The following LOC128462377 variants were observed in gnomAD, a reference collection of about 807,000 sequenced individuals.
chr16:89,353,067 C>T, the LOC128462377 span, among the ~76,000 whole-genome samples: 10 of 152,166 alleles, frequency 6.6e-5, no homozygotes, highest in East Asian at 1.9e-4. Flanking sequence ...GGGCTGGGCG[C>T]GGTGGCTCAC....
At chr16:89,353,771 C>T in the LOC128462377 span, among the ~76,000 whole-genome samples, 3 of 152,202 alleles carry the variant, frequency 2.0e-5, no homozygotes, top group African/African-American at 7.2e-5. Flanking sequence ...TGAGCCACTA[C>T]GCCCGAACTG....
the LOC128462377 span, among the ~76,000 whole-genome samples, chr16:89,349,238 C>T: frequency 6.8e-6 from 1 of 146,226 alleles, no homozygotes; most frequent in Non-Finnish European, 1.5e-5. Context: ...ACAGAAAAGA[C>T]CAAAAACAGG....
the LOC128462377 span, among the ~76,000 whole-genome samples, chr16:89,337,358 GC>G: frequency 6.8e-6 from 1 of 147,334 alleles, no homozygotes; most frequent in Non-Finnish European, 1.5e-5. Flanking sequence ...CATTGGATTT[GC>G]CATCAGACAC....
chr16:89,378,890 A>T, the LOC128462377 span, among the ~76,000 whole-genome samples: 1 of 145,896 alleles, frequency 6.9e-6, no homozygotes, highest in South Asian at 2.3e-4. Context: ...GGGCTTTCCA[A>T]GGCTGAAAAC....
At chr16:89,353,948 A>C in the LOC128462377 span, among the ~76,000 whole-genome samples, 83,507 of 152,042 alleles carry the variant, frequency 0.55, 23,372 homozygotes, top group African/African-American at 0.66. Context: ...GCGGGCAGAG[A>C]TGGAGACATA....
the LOC128462377 span, among the ~76,000 whole-genome samples, chr16:89,401,366 G>A: frequency 3.6e-4 from 55 of 152,230 alleles, 1 homozygote; most frequent in South Asian, 0.011. Flanking sequence ...ACGAGCCACT[G>A]CGTCTGGCAT....
chr16:89,357,799 C>T, the LOC128462377 span, among the ~76,000 whole-genome samples: 1 of 152,208 alleles, frequency 6.6e-6, no homozygotes, highest in South Asian at 2.1e-4. Flanking sequence ...CACTGCTCAT[C>T]GGCAAGCCAA....
the LOC128462377 span, among the ~76,000 whole-genome samples, chr16:89,367,341 G>A: frequency 2.0e-5 from 3 of 152,242 alleles, no homozygotes; most frequent in Non-Finnish European, 2.9e-5. Context: ...GCACAGTGGC[G>A]GCGCCCAGAG....
the LOC128462377 span, among the ~76,000 whole-genome samples, chr16:89,326,388 C>A: frequency 6.6e-6 from 1 of 151,400 alleles, no homozygotes; most frequent in African/African-American, 2.4e-5. Flanking sequence ...GCCCCCCCCA[C>A]CCCGCTGCAG....
At chr16:89,323,085 C>T in the LOC128462377 span, 1 of 314,162 alleles carries the variant, frequency 3.2e-6, no homozygotes, top group South Asian at 2.4e-5. Flanking sequence ...TACGGCAACC[C>T]CTGCCTTTTC....
the LOC128462377 span, among the ~76,000 whole-genome samples, chr16:89,353,350 AAGAG>A: frequency 5.2e-3 from 785 of 149,556 alleles, 2 homozygotes; most frequent in African/African-American, 0.015. Context: ...TCCAAAAAAA[AAGAG>A]AGAGAGAGAG....
At chr16:89,320,525 C>T in the LOC128462377 span, among the ~76,000 whole-genome samples, 4 of 152,126 alleles carry the variant, frequency 2.6e-5, no homozygotes, top group East Asian at 5.8e-4. Context: ...TGGCCCTGAC[C>T]GCCCCCAGGC....
chr16:89,399,626 G>A, the LOC128462377 span, among the ~76,000 whole-genome samples: 424 of 152,284 alleles, frequency 2.8e-3, 2 homozygotes, highest in African/African-American at 9.5e-3. Context: ...AGACTGCACA[G>A]CACCCGGTGG....
At chr16:89,364,819 G>A in the LOC128462377 span, among the ~76,000 whole-genome samples, 2 of 152,172 alleles carry the variant, frequency 1.3e-5, no homozygotes, top group Admixed American at 1.3e-4. Flanking sequence ...CCAAGTGGAA[G>A]CTTGCTCAGC....
chr16:89,403,423 G>A, the LOC128462377 span, among the ~76,000 whole-genome samples: 9 of 152,276 alleles, frequency 5.9e-5, no homozygotes, highest in East Asian at 1.7e-3. Flanking sequence ...GGGCAGAGCG[G>A]GGAACCCAAG....
chr16:89,364,926 C>A, the LOC128462377 span, among the ~76,000 whole-genome samples: 1 of 152,348 alleles, frequency 6.6e-6, no homozygotes, highest in East Asian at 1.9e-4. Context: ...CCTGTGAGAT[C>A]ATTTCTTACA....
At chr16:89,411,337 C>G in the LOC128462377 span, among the ~76,000 whole-genome samples, 1 of 152,246 alleles carries the variant, frequency 6.6e-6, no homozygotes, top group East Asian at 1.9e-4. Flanking sequence ...CGGTGGGAAA[C>G]CTTGACTGCA....
chr16:89,354,862 G>C, the LOC128462377 span, among the ~76,000 whole-genome samples: 1 of 152,138 alleles, frequency 6.6e-6, no homozygotes, highest in East Asian at 1.9e-4. Context: ...ACTCCAGCCT[G>C]GGAGACAGAG....
At chr16:89,320,349 C>T in the LOC128462377 span, 3 of 152,202 alleles carry the variant, frequency 2.0e-5, no homozygotes, top group Admixed American at 2.0e-4. Context: ...CCTAAATCTC[C>T]CTCATTTCCA....
Sources: allele counts gnomAD v4.1 joint callset (sites outside exome capture counted in the v4.1 genomes callset), GRCh38; gene constraint gnomAD v4.1.1; transcripts MANE v1.5.